Variants in SLFN12L observed in about 807,000 individuals in gnomAD.
SLFN12L encodes the protein schlafen family member 12-like.
In SLFN12L, 34 loss-of-function variants were observed where a neutral mutation model predicts 34.8. The ratio of observed to expected loss-of-function variants is 0.98; its 90% CI spans 0.74 to 1.30. SLFN12L has a LOEUF of 1.30. Ranked by LOEUF, SLFN12L falls within the 50% of genes most tolerant of loss-of-function variation. SLFN12L has a pLI of 0.00. For synonymous variants in SLFN12L, 259 were observed against 247.5 expected, an observed-to-expected ratio of 1.05 and a Z score of -0.44; for missense variants, 703 against 696.2, an observed-to-expected ratio of 1.01 and a Z score of -0.11.
chr17:35,488,548 C>T (rs1292845056), intron 2 of SLFN12L, among the ~76,000 whole-genome samples: 1 of 152,156 alleles, frequency 6.6e-6, no homozygotes, highest in African/African-American at 2.4e-5. Context: ...CGATAATACA[C>T]GTTTCTCCAG....
Position 35,475,209 on chromosome 17 carries a change from T to G in SLFN12L, c.1553A>C (p.Gln518Pro), listed in dbSNP as rs200292758. Reference protein sequence around the residue: ...EFKDYSTQTAQTLKQKLAKIG... With the variant: ...EFKDYSTQTAPTLKQKLAKIG... ...TTTTGCCAGCTTCTGTTTTAAAGTT[T>G]GGGCAGTTTGTGTAGAATAGTCTTT... The change falls in exon 5 of 5, where the codon CAA (glutamine) becomes CCA (proline). Residue 518 changes from glutamine (Q) to proline (P), a missense_variant. Coordinates refer to ENST00000628453, the MANE Select transcript of SLFN12L (RefSeq NM_001363830.2). The G allele has an allele frequency of 1.2e-6, 2 of 1,614,230 alleles. No individual in the cohort carries two copies. The highest frequency in any genetic ancestry group is 1.7e-6 in the Non-Finnish European group (2 of 1,180,050).
chr17:35,528,586 A>G (rs943364139), intron 1 of SLFN12L, among the ~76,000 whole-genome samples: 25 of 152,280 alleles, frequency 1.6e-4, no homozygotes, highest in African/African-American at 6.0e-4. Context: ...AAAACAAGCA[A>G]TGGGGAAAGG....
intron 2 of SLFN12L, among the ~76,000 whole-genome samples, chr17:35,501,110 A>T (rs1597859262): frequency 6.6e-6 from 1 of 152,226 alleles, no homozygotes; most frequent in African/African-American, 2.4e-5. Flanking sequence ...TGATTAACAG[A>T]CATGGTCTAG....
intron 2 of SLFN12L, chr17:35,498,183 G>GTGGGCAGCCGGGGCCGCC (rs1555542681): frequency 1.1e-4 from 69 of 624,792 alleles, no homozygotes; most frequent in Non-Finnish European, 1.9e-4. Flanking sequence ...AGGCGGCGGC[G>GTGGGCAGCCGGGGCCGCC]TGGGGAGCCG....
rs1220125553 is a variant in SLFN12L at position 35,480,113 on chromosome 17, C to A, written c.169G>T (p.Val57Phe). ...AGAGTGACTCTTCCCACATTTAGAACCAGCTCAGCATAGTTTGTGTCTAAA... is the reference window on the plus strand; with the variant it reads ...AGAGTGACTCTTCCCACATTTAGAAACAGCTCAGCATAGTTTGTGTCTAAA... Reference protein sequence around the residue: ...IDLDTNYAELVLNVGRVTLGE... With the variant: ...IDLDTNYAELFLNVGRVTLGE... The change falls in exon 3 of 5, where the codon GTT becomes TTT. Residue 57 changes from valine to phenylalanine, a missense_variant. Transcript: ENST00000628453. 2.5e-6 allele frequency: 4 copies of A among 1,613,954 alleles called. No individual in the cohort carries two copies. Among genetic ancestry groups the A allele is most frequent in the African/African-American group, 1.3e-5 (1 of 74,900 alleles).
intron 4 of SLFN12L, among the ~76,000 whole-genome samples, chr17:35,477,230 T>C (rs1050793708): frequency 1.3e-5 from 2 of 152,210 alleles, no homozygotes; most frequent in African/African-American, 2.4e-5. Flanking sequence ...GTTATCCACA[T>C]GGGATAAAAT....
chr17:35,496,690 T>C (rs928996289), intron 2 of SLFN12L, among the ~76,000 whole-genome samples: 12 of 152,198 alleles, frequency 7.9e-5, no homozygotes, highest in African/African-American at 2.9e-4. Context: ...AGCATTTTCC[T>C]GTCCTCCCCA....
intron 2 of SLFN12L, among the ~76,000 whole-genome samples, chr17:35,483,579 A>C (rs755505223): frequency 1.3e-5 from 2 of 152,240 alleles, no homozygotes; most frequent in Admixed American, 6.5e-5. Flanking sequence ...TCTGTTATTT[A>C]TAAGTCACCC....
At chr17:35,496,530 C>T (rs951075785) in intron 2 of SLFN12L, among the ~76,000 whole-genome samples, 2 of 150,736 alleles carry the variant, frequency 1.3e-5, no homozygotes, top group East Asian at 3.9e-4. Flanking sequence ...TCCCTCCGGC[C>T]CCTCCTTTCC....
At chr17:35,518,433 C>A (rs1915900910) in intron 2 of SLFN12L, among the ~76,000 whole-genome samples, 2 of 151,996 alleles carry the variant, frequency 1.3e-5, no homozygotes, top group South Asian at 4.1e-4. Flanking sequence ...TGCCTATAAT[C>A]CCAGCTACTC....
At chr17:35,477,536 C>T (rs911806291) in intron 4 of SLFN12L, among the ~76,000 whole-genome samples, 7 of 151,880 alleles carry the variant, frequency 4.6e-5, no homozygotes, top group Non-Finnish European at 8.8e-5. Flanking sequence ...TGTGACTAAA[C>T]GAGGATTTTA....
intron 2 of SLFN12L, among the ~76,000 whole-genome samples, chr17:35,506,412 A>G (rs1163447000): frequency 6.6e-6 from 1 of 152,208 alleles, no homozygotes; most frequent in Non-Finnish European, 1.5e-5. Context: ...CACCTTCAGA[A>G]AGGGAAAGTG....
In SLFN12L at chr17:35,470,903, C is replaced by A. The variant is rs1166656138; in HGVS notation, c.*4020G>T. ...TTCAGCTCCCACTTATGAGTGAGAA[C>A]ATGTAGTGTTTCATTTTCTGTTCCC... On this transcript the variant is annotated 3_prime_UTR_variant, in exon 5 of 5. Coordinates refer to ENST00000628453, the MANE Select transcript of SLFN12L (RefSeq NM_001363830.2). Among the ~76,000 whole-genome samples, 1 of 151,934 alleles carries A rather than the reference C, an allele frequency of 6.6e-6. No individual in the cohort carries two copies. Among genetic ancestry groups the A allele is most frequent in the Non-Finnish European group, 1.5e-5 (1 of 67,998 alleles).
chr17:35,518,729 A>C (rs915733541), intron 2 of SLFN12L, among the ~76,000 whole-genome samples: 1 of 152,188 alleles, frequency 6.6e-6, no homozygotes, highest in African/African-American at 2.4e-5. Flanking sequence ...GAGAAATAGG[A>C]ACACTTTTAC....
intron 2 of SLFN12L, chr17:35,487,804 C>A (rs1567656903): frequency 1.3e-6 from 2 of 1,511,608 alleles, no homozygotes; most frequent in East Asian, 2.5e-5. Flanking sequence ...TCTCCGCGTC[C>A]GTGTGCGGCT....
intron 2 of SLFN12L, chr17:35,499,753 G>A: frequency 4.1e-6 from 1 of 243,972 alleles, no homozygotes. Flanking sequence ...ACTTTGAGAA[G>A]TAACACAGGA....
At chr17:35,491,727 T>C (rs545283119) in intron 2 of SLFN12L, among the ~76,000 whole-genome samples, 2 of 152,356 alleles carry the variant, frequency 1.3e-5, no homozygotes, top group East Asian at 3.9e-4. Flanking sequence ...AAATGCAAAC[T>C]TGAAGTCATG....
At chr17:35,511,555 G>A (rs1434365108) in intron 2 of SLFN12L, among the ~76,000 whole-genome samples, 1 of 145,300 alleles carries the variant, frequency 6.9e-6, no homozygotes, top group Non-Finnish European at 1.5e-5. Flanking sequence ...GGGCAAGATG[G>A]TGAGACCTCG....
chr17:35,522,975 T>C lies in SLFN12L; in HGVS notation c.-605-6A>G, dbSNP rs561011185. 1 of 487,588 alleles carries C rather than the reference T, an allele frequency of 2.1e-6. No homozygotes were observed. Among genetic ancestry groups the C allele is most frequent in the Admixed American group, 3.6e-5 (1 of 27,746 alleles). The allele number at this position is 487,588 out of a possible 1,614,324, so 30.2% of individuals were successfully genotyped here. A position where few individuals can be genotyped will look rare whatever the true frequency, so the allele number is the denominator to read the frequency against. Reference sequence around the variant, plus strand: ...TCGCAAATATCCTGGTAGCACTAGATGTGAAAAGAATGAGAAATTAGGGGA... The same window carrying C: ...TCGCAAATATCCTGGTAGCACTAGACGTGAAAAGAATGAGAAATTAGGGGA... On this transcript the variant is annotated splice_polypyrimidine_tract_variant and splice_region_variant and intron_variant, in intron 1 of 4. Coordinates refer to ENST00000628453, the MANE Select transcript of SLFN12L (RefSeq NM_001363830.2).
Sources: gnomAD v4.1 joint callset for allele counts (sites outside exome capture counted in the v4.1 genomes callset) on GRCh38, gnomAD v4.1.1 for gene constraint, MANE v1.5 for transcripts, NCBI Gene and HGNC (gene_info 2026-07-23, HGNC 2026-07-21) for gene names.